The following NBAS variants were observed in gnomAD, a reference collection of about 807,000 sequenced individuals.
NBAS encodes the protein NBAS subunit of NRZ tethering complex.
A neutral mutation model predicts 302.5 loss-of-function variants in NBAS; 219 were observed. The ratio of observed to expected loss-of-function variants is 0.72; its 90% CI spans 0.65 to 0.81. The LOEUF is 0.81. Ranked by LOEUF, NBAS falls within the 30% of genes least tolerant of loss-of-function variation. The pLI is 0.00. For missense variants in NBAS, 2,932 were observed against 2,841.6 expected, an observed-to-expected ratio of 1.03 and a Z score of -0.72; for synonymous variants, 1,118 against 1,021.6, an observed-to-expected ratio of 1.09 and a Z score of -1.80.
chr2:14,965,866 T>C, the NBAS span, among the ~76,000 whole-genome samples: 4 of 152,212 alleles, frequency 2.6e-5, no homozygotes, highest in Non-Finnish European at 4.4e-5. Flanking sequence ...CAGAAAGATA[T>C]GTTAAGTTGT....
At chr2:15,003,543 G>C in the NBAS span, among the ~76,000 whole-genome samples, 15 of 152,316 alleles carry the variant, frequency 9.8e-5, no homozygotes, top group Admixed American at 5.9e-4. Context: ...AAAGGGAAGA[G>C]AGGGAGAATT....
At chr2:15,159,892 A>G in the NBAS span, among the ~76,000 whole-genome samples, 3 of 152,014 alleles carry the variant, frequency 2.0e-5, no homozygotes, top group Non-Finnish European at 2.9e-5. Flanking sequence ...TTCAAGTCTC[A>G]GTTCTGCCAC....
At chr2:15,424,169 A>G (rs1677346413) in intron 23 of NBAS, 146 bp downstream of exon 23, 1 of 1,035,462 alleles carries the variant, frequency 9.7e-7, no homozygotes, top group African/African-American at 1.6e-5. Flanking sequence ...TGCACAGGAT[A>G]ACAAAGAAAT....
the NBAS span, among the ~76,000 whole-genome samples, chr2:14,906,496 C>G: frequency 6.6e-6 from 1 of 152,196 alleles, no homozygotes; most frequent in African/African-American, 2.4e-5. Flanking sequence ...TGATGTGAAC[C>G]CGAATTCAAA....
the NBAS span, among the ~76,000 whole-genome samples, chr2:14,869,428 G>T: frequency 4.5e-4 from 68 of 152,218 alleles, no homozygotes; most frequent in African/African-American, 1.6e-3. Flanking sequence ...ACTCATCGTG[G>T]TACCGGATTA....
intron 28 of NBAS, among the ~76,000 whole-genome samples, chr2:15,393,177 C>T (rs1251845023): frequency 6.6e-6 from 1 of 151,598 alleles, no homozygotes; most frequent in Non-Finnish European, 1.5e-5. Flanking sequence ...AACATTGTGG[C>T]AAAGCAATAA....
At chr2:15,188,837 T>G (rs1026489566) in intron 49 of NBAS, among the ~76,000 whole-genome samples, 1 of 152,220 alleles carries the variant, frequency 6.6e-6, no homozygotes, top group South Asian at 2.1e-4. Context: ...ATATTTTGAA[T>G]TGGGAAATGA....
chr2:14,963,694 C>A, the NBAS span, among the ~76,000 whole-genome samples: 1 of 152,232 alleles, frequency 6.6e-6, no homozygotes, highest in South Asian at 2.1e-4. Context: ...CTTGTCACAA[C>A]TCCTTGCTAA....
At chr2:14,886,541 T>C in the NBAS span, 1 of 152,174 alleles carries the variant, frequency 6.6e-6, no homozygotes, top group Non-Finnish European at 1.5e-5. Context: ...TTTCCCCATC[T>C]CTATAAATTG....
chr2:15,003,832 C>A, the NBAS span, among the ~76,000 whole-genome samples: 2 of 152,214 alleles, frequency 1.3e-5, no homozygotes, highest in African/African-American at 4.8e-5. Context: ...CATTAAAGCA[C>A]CTGATATTTC....
At chr2:15,021,772 AT>A in the NBAS span, among the ~76,000 whole-genome samples, 1 of 152,200 alleles carries the variant, frequency 6.6e-6, no homozygotes, top group South Asian at 2.1e-4. Flanking sequence ...GAAACACCAG[AT>A]TCCCAAGAAC....
intron 34 of NBAS, among the ~76,000 whole-genome samples, chr2:15,352,561 C>T (rs889423164): frequency 1.3e-5 from 2 of 152,130 alleles, no homozygotes; most frequent in Non-Finnish European, 2.9e-5. Context: ...CATCCTGGCA[C>T]GTTGCCAGGT....
the NBAS span, among the ~76,000 whole-genome samples, chr2:15,068,372 T>C: frequency 1.3e-5 from 2 of 152,206 alleles, no homozygotes; most frequent in East Asian, 1.9e-4. Context: ...GGAAGGAGGA[T>C]ATAAATTCTG....
At chr2:15,418,771 G>A (rs1288113375) in intron 23 of NBAS, among the ~76,000 whole-genome samples, 4 of 152,156 alleles carry the variant, frequency 2.6e-5, no homozygotes, top group Admixed American at 6.5e-5. Flanking sequence ...ACAATTCCAC[G>A]TGACTGAAAA....
chr2:14,934,546 C>G, the NBAS span, among the ~76,000 whole-genome samples: 3 of 152,152 alleles, frequency 2.0e-5, no homozygotes, highest in Admixed American at 1.3e-4. Flanking sequence ...TGTTGTACAA[C>G]AGAGAATTTT....
the NBAS span, among the ~76,000 whole-genome samples, chr2:15,080,622 C>T: frequency 1.3e-5 from 2 of 152,216 alleles, no homozygotes; most frequent in African/African-American, 4.8e-5. Context: ...CTTCATAAGC[C>T]ATCAACTGAA....
chr2:15,508,111 G>T (rs1661959597), intron 10 of NBAS, among the ~76,000 whole-genome samples: 1 of 152,208 alleles, frequency 6.6e-6, no homozygotes, highest in South Asian at 2.1e-4. Context: ...TTCAAGTTTA[G>T]CTGCAAGACA....
intron 12 of NBAS, 119 bp downstream of exon 12, chr2:15,488,775 G>T: frequency 1.5e-6 from 2 of 1,301,106 alleles, no homozygotes; most frequent in Non-Finnish European, 2.2e-6. Flanking sequence ...AAGGATAGAA[G>T]AGCTTTGGAA....
intron 51 of NBAS, among the ~76,000 whole-genome samples, chr2:15,178,372 A>G (rs913792415): frequency 9.2e-5 from 14 of 152,282 alleles, no homozygotes; most frequent in Non-Finnish European, 2.1e-4. Flanking sequence ...ACACAACCCT[A>G]AGCTATCTAA....
Sources: allele counts gnomAD v4.1 joint callset (sites outside exome capture counted in the v4.1 genomes callset), GRCh38; gene constraint gnomAD v4.1.1; transcripts MANE v1.5; gene names NCBI Gene and HGNC (gene_info 2026-07-23, HGNC 2026-07-21).